PAFAH1B1: variants seen among roughly 807,000 people sequenced by gnomAD.
PAFAH1B1 encodes platelet-activating factor acetylhydrolase IB subunit beta.
A neutral mutation model predicts 57.5 loss-of-function variants in PAFAH1B1; 2 were observed. The ratio of observed to expected loss-of-function variants is 0.03; its 90% CI spans 0.01 to 0.11. PAFAH1B1 has a LOEUF of 0.11. PAFAH1B1 is among the 10% of genes least tolerant of loss of function. PAFAH1B1 has a pLI of 1.00. For missense variants in PAFAH1B1, 257 were observed against 512.0 expected, an observed-to-expected ratio of 0.50 and a Z score of 4.81; for synonymous variants, 152 against 169.6, an observed-to-expected ratio of 0.90 and a Z score of 0.81.
intron 5 of PAFAH1B1, 134 bp downstream of exon 5, chr17:2,667,332 T>G: frequency 1.6e-6 from 1 of 642,080 alleles, no homozygotes; most frequent in South Asian, 1.7e-5. Context: ...ACACTCTGTC[T>G]CAAAAAAAAA....
chr17:2,681,653 TAG>T lies in PAFAH1B1; in HGVS notation c.1160-71_1160-70del, dbSNP rs2069386405. 20 of 1,132,984 alleles carry T rather than the reference TAG, an allele frequency of 1.8e-5. No homozygotes were observed. The South Asian group carries it at 2.2e-4, about 12-fold the overall frequency. The allele number at this position is 1,132,984 out of a possible 1,614,324, so 70.2% of individuals were successfully genotyped here. On this transcript the variant is annotated intron_variant, in intron 10 of 10. Coordinates refer to ENST00000397195, the MANE Select transcript of PAFAH1B1 (RefSeq NM_000430.4). ...ATTTTTTTTTTAATTTTGTATTTTG[TAG>T]AGAGGGGGTCTCACTATGTTTGTTG...
chr17:2,638,568 C>T (rs998883430), intron 2 of PAFAH1B1: 56 of 429,682 alleles, frequency 1.3e-4, no homozygotes, highest in African/African-American at 6.9e-4. Context: ...AGTGCAATGG[C>T]GCCATCTCGG....
chr17:2,597,390 A>G (rs1466970019), intron 1 of PAFAH1B1, among the ~76,000 whole-genome samples: 2 of 148,358 alleles, frequency 1.3e-5, no homozygotes, highest in Non-Finnish European at 3.0e-5. Flanking sequence ...TTTTCTAGCT[A>G]GAACATCCGT....
At chr17:2,656,203 C>T (rs949263006) in intron 2 of PAFAH1B1, among the ~76,000 whole-genome samples, 12 of 152,072 alleles carry the variant, frequency 7.9e-5, no homozygotes, top group African/African-American at 2.9e-4. Flanking sequence ...GGATTACAGG[C>T]GTGAGCCACT....
intron 1 of PAFAH1B1, among the ~76,000 whole-genome samples, chr17:2,624,425 C>CT (rs1217358312): frequency 1.3e-5 from 2 of 152,172 alleles, no homozygotes; most frequent in African/African-American, 2.4e-5. Context: ...ATACCCGAAA[C>CT]TGGGAACAAG....
chr17:2,668,900 C>T lies in PAFAH1B1; in HGVS notation c.400-1263C>T, dbSNP rs8080733. Among the ~76,000 whole-genome samples, 221 of 150,110 alleles carry T rather than the reference C, an allele frequency of 1.5e-3. 2 individuals are homozygous for T. The highest frequency in any genetic ancestry group is 4.9e-3 in the African/African-American group (202 of 40,862). ...CTGAGTCAGGAGAATGGCGTGAACC[C>T]GGGAGGCGGAGCTTGCAGTGAGCCA... On this transcript the variant is annotated intron_variant, in intron 5 of 10. Transcript: ENST00000397195.
At chr17:2,678,889 A>G (rs1367345933) in intron 9 of PAFAH1B1, among the ~76,000 whole-genome samples, 1 of 152,234 alleles carries the variant, frequency 6.6e-6, no homozygotes, top group East Asian at 1.9e-4. Context: ...TCTTTTTAAA[A>G]CAAAACAAAA....
chr17:2,676,453 C>A, intron 8 of PAFAH1B1, 52 bp from the exon 9 acceptor site: 2 of 1,098,046 alleles, frequency 1.8e-6, no homozygotes, highest in Non-Finnish European at 2.8e-6. Flanking sequence ...CATTTAAAGT[C>A]CATACCTAAC....
chr17:2,652,254 CA>C lies in PAFAH1B1; in HGVS notation c.33-13107del, dbSNP rs1176477577. On this transcript the variant is annotated intron_variant, in intron 2 of 10. Coordinates refer to ENST00000397195, the MANE Select transcript of PAFAH1B1 (RefSeq NM_000430.4). ...TGAAACCCCGTCTCTACTAAAAATA[CA>C]AAAAAAAAAATTGGCCGGGCGTGGT... Among the ~76,000 whole-genome samples the C allele has an allele frequency of 4.3e-3, 633 of 146,980 alleles. 1 individual carries two copies. Among genetic ancestry groups the C allele is most frequent in the African/African-American group, 0.013 (541 of 40,292 alleles).
At chr17:2,605,254 G>A (rs2068191955) in intron 1 of PAFAH1B1, among the ~76,000 whole-genome samples, 1 of 152,170 alleles carries the variant, frequency 6.6e-6, no homozygotes, top group Admixed American at 6.5e-5. Context: ...ATTCAGATTT[G>A]TAGTTTGGGT....
At chr17:2,594,705 C>G (rs1323508187) in intron 1 of PAFAH1B1, among the ~76,000 whole-genome samples, 3 of 152,230 alleles carry the variant, frequency 2.0e-5, no homozygotes, top group Non-Finnish European at 4.4e-5. Context: ...GCAGGATTTT[C>G]TTTCTGCCAC....
intron 2 of PAFAH1B1, among the ~76,000 whole-genome samples, chr17:2,656,126 A>G (rs374177030): frequency 5.3e-5 from 8 of 152,096 alleles, no homozygotes; most frequent in South Asian, 4.2e-4. Flanking sequence ...GGGTTTCACT[A>G]TGTTGGCCAG....
rs772188120 is a variant in PAFAH1B1 at position 2,670,177 on chromosome 17, G to T, written c.414G>T (p.Glu138Asp). The T allele has an allele frequency of 1.2e-6, 2 of 1,614,142 alleles. No individual in the cohort carries two copies. Among genetic ancestry groups the T allele is most frequent in the South Asian group, 1.1e-5 (1 of 91,076 alleles). The change falls in exon 6 of 11, where the codon GAG (glutamate) becomes GAT (aspartate). Residue 138 changes from glutamate (E) to aspartate (D), a missense_variant. Coordinates refer to ENST00000397195, the MANE Select transcript of PAFAH1B1 (RefSeq NM_000430.4). ...EDATIKVWDYETGDFERTLKG... is the reference protein window; with the variant it reads ...EDATIKVWDYDTGDFERTLKG... ...TCACTTGACAGGTGTGGGATTATGAGACTGGAGATTTTGAACGAACTCTTA... is the reference window on the plus strand; with the variant it reads ...TCACTTGACAGGTGTGGGATTATGATACTGGAGATTTTGAACGAACTCTTA...
rs1193314530 is a variant in PAFAH1B1, at chr17:2,638,143, G to A, written c.-146G>A. 1 of 612,896 alleles carries A rather than the reference G, an allele frequency of 1.6e-6. No individual in the cohort carries two copies. Among genetic ancestry groups the A allele is most frequent in the African/African-American group, 1.9e-5 (1 of 53,790 alleles). 38.0% of individuals were successfully genotyped at this position (612,896 alleles called of 1,614,324 possible). A position where few individuals can be genotyped will look rare whatever the true frequency, so the allele number is the denominator to read the frequency against. The stretch of plus-strand genomic sequence containing the variant: ...TTGAATATCTTCTGGTTACTAGTTG[G>A]ATTCATTTGTGAAAGAATCATTTTC... On this transcript the variant is annotated 5_prime_UTR_variant, in exon 2 of 11. Coordinates refer to ENST00000397195, the MANE Select transcript of PAFAH1B1 (RefSeq NM_000430.4).
intron 2 of PAFAH1B1, among the ~76,000 whole-genome samples, chr17:2,652,304 A>G (rs1020443709): frequency 2.0e-5 from 3 of 151,910 alleles, no homozygotes; most frequent in Admixed American, 6.6e-5. Flanking sequence ...AGTCCCAGCT[A>G]CTCGGGAGGC....
In PAFAH1B1 at chr17:2,667,176, C is replaced by T; in HGVS notation, c.377C>T (p.Ala126Val). Residue 126 changes from alanine (A) to valine (V), a missense_variant, in exon 5 of 11, where the codon GCT becomes GTT. Coordinates refer to ENST00000397195, the MANE Select transcript of PAFAH1B1 (RefSeq NM_000430.4). Reference sequence around the variant, plus strand: ...CCTGTGTTCAGTGTTATGGTCTCTGCTTCAGAGGATGCTACAATTAAGGTA... The same window carrying T: ...CCTGTGTTCAGTGTTATGGTCTCTGTTTCAGAGGATGCTACAATTAAGGTA... ...FHPVFSVMVSASEDATIKVWD... is the reference protein window; with the variant it reads ...FHPVFSVMVSVSEDATIKVWD... 6.2e-7 allele frequency: 1 copy of T among 1,613,260 alleles called. No homozygotes were observed. The highest frequency in any genetic ancestry group is 8.5e-7 in the Non-Finnish European group (1 of 1,179,292).
At chr17:2,631,122 T>C (rs1460509109) in intron 1 of PAFAH1B1, among the ~76,000 whole-genome samples, 2 of 151,898 alleles carry the variant, frequency 1.3e-5, no homozygotes, top group African/African-American at 2.4e-5. Context: ...GTGCTTGTAA[T>C]CCCAGCTACT....
chr17:2,605,877 A>G (rs1163210287), intron 1 of PAFAH1B1, among the ~76,000 whole-genome samples: 1 of 152,018 alleles, frequency 6.6e-6, no homozygotes, highest in Non-Finnish European at 1.5e-5. Flanking sequence ...GTGATGATTG[A>G]TGATGATTAA....
chr17:2,618,621 A>T (rs905750891), intron 1 of PAFAH1B1, among the ~76,000 whole-genome samples: 2 of 151,916 alleles, frequency 1.3e-5, no homozygotes, highest in African/African-American at 4.8e-5. Context: ...GTATAGTGTT[A>T]ATGATGGAGT....
Sources: allele counts gnomAD v4.1 joint callset (sites outside exome capture counted in the v4.1 genomes callset), GRCh38; gene constraint gnomAD v4.1.1; transcripts MANE v1.5; gene names NCBI Gene and HGNC (gene_info 2026-07-23, HGNC 2026-07-21).